The following OOSP1 variants were observed in gnomAD, a reference collection of about 807,000 sequenced individuals.
OOSP1 encodes the protein oocyte secreted protein 1.
A neutral mutation model predicts 5.7 loss-of-function variants in OOSP1; 11 were observed. The ratio of observed to expected loss-of-function variants is 1.94; its 90% CI spans 1.22 to 3.20. The LOEUF is 3.20. OOSP1 is among the 30% of genes most tolerant of loss of function. OOSP1 has a pLI of 0.00. For missense variants in OOSP1, 83 were observed against 54.1 expected (o/e 1.53, Z -1.67); for synonymous variants, 44 against 20.0 (o/e 2.20, Z -3.20).
Position 59,952,670 on chromosome 11 carries a change from A to C in OOSP1, c.487-4525A>C, listed in dbSNP as rs72912756. On this transcript the variant is annotated intron_variant, in intron 4 of 4. Transcript: ENST00000646685. Reference sequence around the variant, plus strand: ...TTGGGAGGGGTGCTAGGAATAAAACATGACATGTTAGGTACAATGTACACT... The same window carrying C: ...TTGGGAGGGGTGCTAGGAATAAAACCTGACATGTTAGGTACAATGTACACT... Among the ~76,000 whole-genome samples, 412 of 152,288 alleles carry C rather than the reference A, an allele frequency of 2.7e-3. 2 individuals carry two copies. Among genetic ancestry groups the C allele is most frequent in the Middle Eastern group, 6.8e-3 (2 of 294 alleles).
At chr11:59,947,975 C>G (rs1853903363) in intron 4 of OOSP1, 113 bp downstream of exon 4, 1 of 395,414 alleles carries the variant, frequency 2.5e-6, no homozygotes, top group South Asian at 1.4e-4. Context: ...TGCATTGTGC[C>G]TAAAATGTTT....
chr11:59,945,925 C>G (rs1853878428), intron 3 of OOSP1, among the ~76,000 whole-genome samples: 1 of 152,030 alleles, frequency 6.6e-6, no homozygotes, highest in Non-Finnish European at 1.5e-5. Flanking sequence ...CTGGAGCAGG[C>G]ATACTCACGT....
chr11:59,945,770 AAAAAAAAT>A (rs1283876953), intron 3 of OOSP1, among the ~76,000 whole-genome samples: 1 of 151,112 alleles, frequency 6.6e-6, no homozygotes, highest in African/African-American at 2.4e-5. Flanking sequence ...AAAAAAAAAA[AAAAAAAAT>A]GTCAGAGACT....
At chr11:59,948,971 C>G (rs1465659101) in intron 4 of OOSP1, 1 of 392,212 alleles carries the variant, frequency 2.5e-6, no homozygotes, top group Non-Finnish European at 4.5e-6. Context: ...AAAATAGGAA[C>G]TGCCACTGCT....
chr11:59,943,494 G>A (rs1853852156), intron 2 of OOSP1, among the ~76,000 whole-genome samples: 1 of 152,220 alleles, frequency 6.6e-6, no homozygotes, highest in Admixed American at 6.5e-5. Flanking sequence ...GTTAAGAAAG[G>A]AGATGCTAAA....
At chr11:59,948,657 T>C (rs1853911028) in intron 4 of OOSP1, 1 of 397,324 alleles carries the variant, frequency 2.5e-6, no homozygotes. Flanking sequence ...AGGGAAGTAA[T>C]GTTTACATTG....
At chr11:59,942,858 C>T (rs1221278162) in exon 2 of OOSP1, 4 of 702,510 alleles carry the variant, frequency 5.7e-6, no homozygotes, top group South Asian at 4.4e-5. Context: ...TATTCAAGTA[C>T]ACTGCACCCA....
intron 4 of OOSP1, among the ~76,000 whole-genome samples, chr11:59,955,270 G>C (rs1380649354): frequency 6.6e-6 from 1 of 151,910 alleles, no homozygotes; most frequent in Non-Finnish European, 1.5e-5. Context: ...AATCCTTTCA[G>C]TCTAATTGTG....
chr11:59,948,648 G>A, intron 4 of OOSP1: 1 of 396,982 alleles, frequency 2.5e-6, no homozygotes. Context: ...CTTAGAAGTA[G>A]GGAAGTAATG....
chr11:59,952,014 A>G lies in OOSP1; in HGVS notation c.486+4152A>G, dbSNP rs1289991175. On this transcript the variant is annotated intron_variant, in intron 4 of 4. Transcript: ENST00000646685. ...TTAACATTTCACTGATTCATGTTAT[A>G]TTTGGTATAATATGAATCAATGGAA... Among the ~76,000 whole-genome samples the G allele has an allele frequency of 3.9e-5, 6 of 152,050 alleles. No homozygotes were observed. The South Asian group carries it at 1.2e-3, about 32-fold the overall frequency.
At chr11:59,947,831 A>T (rs1262011689) in exon 4 of OOSP1, 2 of 398,748 alleles carry the variant, frequency 5.0e-6, no homozygotes, top group Non-Finnish European at 8.9e-6. Flanking sequence ...GCGAATGAAG[A>T]CATGGGCAGT....
At chr11:59,938,703 C>A (rs1853796192) in intron 1 of OOSP1, among the ~76,000 whole-genome samples, 173 bp downstream of exon 1, 1 of 152,164 alleles carries the variant, frequency 6.6e-6, no homozygotes, top group Non-Finnish European at 1.5e-5. Context: ...CTCTTGCATA[C>A]CGGCACTGAG....
intron 1 of OOSP1, among the ~76,000 whole-genome samples, chr11:59,939,260 C>CT (rs879810533): frequency 1.0e-3 from 145 of 140,586 alleles, no homozygotes; most frequent in South Asian, 7.9e-3. Context: ...TTCTTCCTTT[C>CT]TTTTTTTTTT....
chr11:59,952,261 TCTATTTGATCTA>T (rs1287920683), intron 4 of OOSP1, among the ~76,000 whole-genome samples: 1 of 152,088 alleles, frequency 6.6e-6, no homozygotes, highest in Non-Finnish European at 1.5e-5. Context: ...TAAAAGTAAA[TCTATTTGATCTA>T]CCAATCTTAC....
intron 4 of OOSP1, among the ~76,000 whole-genome samples, chr11:59,949,379 G>A (rs150790525): frequency 1.0e-3 from 152 of 152,122 alleles, no homozygotes; most frequent in African/African-American, 3.5e-3. Flanking sequence ...ATCAGGGAAG[G>A]CATCCGTCAA....
At chr11:59,954,362 T>C (rs1052639435) in intron 4 of OOSP1, among the ~76,000 whole-genome samples, 1 of 152,124 alleles carries the variant, frequency 6.6e-6, no homozygotes, top group African/African-American at 2.4e-5. Context: ...CATGGCCACA[T>C]GTATTCTAAT....
chr11:59,957,178 T>A lies in OOSP1; in HGVS notation c.487-17T>A, dbSNP rs923018745. On this transcript the variant is annotated splice_polypyrimidine_tract_variant and intron_variant, in intron 4 of 4. Coordinates refer to ENST00000646685, the Ensembl canonical transcript of OOSP1. ...TGTAATTGATGAATCTACTTAAAAT[T>A]TATTTTGTACCCTCAGGTTTTAAAA... 12 of 397,602 alleles carry A rather than the reference T, an allele frequency of 3.0e-5. No individual in the cohort carries two copies. Among genetic ancestry groups the A allele is most frequent in the Non-Finnish European group, 4.4e-5 (10 of 225,468 alleles). 24.6% of individuals were successfully genotyped at this position (397,602 alleles called of 1,614,324 possible).
intron 4 of OOSP1, among the ~76,000 whole-genome samples, 195 bp from the exon 5 acceptor site, chr11:59,957,000 T>G (rs1853999632): frequency 6.6e-6 from 1 of 152,204 alleles, no homozygotes; most frequent in Non-Finnish European, 1.5e-5. Context: ...TTGCGAATTG[T>G]GCGGCTATAA....
chr11:59,943,147 G>GT lies in OOSP1; in HGVS notation c.258+125dup, dbSNP rs561655190. On this transcript the variant is annotated intron_variant, in intron 2 of 4. Coordinates refer to ENST00000646685, the Ensembl canonical transcript of OOSP1. ...TATGAGTGAGAACATGTGGTGTTTG[G>GT]TTTTTTGTCCTTGCGATAGTTTGCT... 272 of 342,930 alleles carry GT rather than the reference G, an allele frequency of 7.9e-4. 1 individual carries two copies. In the South Asian group the frequency reaches 0.011, roughly 14 times the overall value. The allele number at this position is 342,930 out of a possible 1,614,324, so 21.2% of individuals were successfully genotyped here.
Sources: gnomAD v4.1 joint callset for allele counts (sites outside exome capture counted in the v4.1 genomes callset) on GRCh38, gnomAD v4.1.1 for gene constraint, MANE v1.5 for transcripts, NCBI Gene and HGNC (gene_info 2026-07-23, HGNC 2026-07-21) for gene names.